Variants in ATP8A1 observed in about 807,000 individuals in gnomAD.
ATP8A1 encodes phospholipid-transporting ATPase IA.
In ATP8A1, 90 loss-of-function variants were observed where a neutral mutation model predicts 177.7. The ratio of observed to expected loss-of-function variants is 0.51; its 90% CI spans 0.43 to 0.60. ATP8A1 has a LOEUF of 0.60. Among genes scored for constraint, ATP8A1 ranks in the 20% least tolerant of loss-of-function variants. ATP8A1 has a pLI of 0.00. For synonymous variants in ATP8A1, 493 were observed against 485.9 expected (o/e 1.01, Z -0.19); for missense variants, 1,072 against 1,392.8 (o/e 0.77, Z 3.67).
At chr4:42,651,232 C>T (rs552988792) in intron 1 of ATP8A1, among the ~76,000 whole-genome samples, 26 of 152,240 alleles carry the variant, frequency 1.7e-4, no homozygotes, top group Non-Finnish European at 3.4e-4. Flanking sequence ...AGTCTCGGTA[C>T]GTCTTCATCA....
At chr4:42,484,216 A>C (rs958875771) in intron 25 of ATP8A1, among the ~76,000 whole-genome samples, 1 of 152,244 alleles carries the variant, frequency 6.6e-6, no homozygotes, top group African/African-American at 2.4e-5. Flanking sequence ...CCAAAGTAAA[A>C]ATGAGTCAAA....
intron 35 of ATP8A1, 130 bp downstream of exon 35, chr4:42,422,677 C>A: frequency 1.4e-6 from 1 of 696,950 alleles, no homozygotes; most frequent in Non-Finnish European, 2.4e-6. Context: ...ATGTCTCTGA[C>A]TCCCAAACCT....
At chr4:42,549,576 C>T (rs534338333) in intron 18 of ATP8A1, among the ~76,000 whole-genome samples, 1 of 152,060 alleles carries the variant, frequency 6.6e-6, no homozygotes, top group South Asian at 2.1e-4. Flanking sequence ...ATCAAAGGAG[C>T]TCAGGAGTTC....
chr4:42,433,354 C>A (rs1476916563), intron 33 of ATP8A1, among the ~76,000 whole-genome samples: 1 of 152,206 alleles, frequency 6.6e-6, no homozygotes, highest in Non-Finnish European at 1.5e-5. Context: ...TGTGGGACTA[C>A]TCCATGACAA....
chr4:42,423,941 A>C (rs556993592), intron 33 of ATP8A1, among the ~76,000 whole-genome samples: 182 of 152,326 alleles, frequency 1.2e-3, no homozygotes, highest in African/African-American at 4.2e-3. Context: ...ATAAATCATA[A>C]TTAGAAACTA....
chr4:42,478,494 A>T (rs1721312338), intron 25 of ATP8A1, among the ~76,000 whole-genome samples: 1 of 152,208 alleles, frequency 6.6e-6, no homozygotes, highest in African/African-American at 2.4e-5. Context: ...ATGGGAACAT[A>T]TGAAACACTT....
In ATP8A1 at chr4:42,511,744, T is replaced by C. The variant is rs139118737; in HGVS notation, c.1948-4590A>G. ...TTATGATTTTTCCCCAATACATGTATATTTTGCTAAATAATGGAACCTCAA... is the reference window on the plus strand; with the variant it reads ...TTATGATTTTTCCCCAATACATGTACATTTTGCTAAATAATGGAACCTCAA... On this transcript the variant is annotated intron_variant, in intron 22 of 36. Transcript: ENST00000381668. Among the ~76,000 whole-genome samples the C allele has an allele frequency of 1.1e-4, 16 of 152,328 alleles. No individual in the cohort carries two copies. In the East Asian group the frequency reaches 1.5e-3, roughly 15 times the overall value.
intron 35 of ATP8A1, 48 bp downstream of exon 35, chr4:42,422,759 T>C (rs765598947): frequency 6.8e-6 from 10 of 1,463,642 alleles, no homozygotes; most frequent in Non-Finnish European, 9.5e-6. Flanking sequence ...TAGTACAAGA[T>C]AAATTTAAAG....
rs1409472129 is a variant in ATP8A1 at position 42,483,392 on chromosome 4, A to AT, written c.2324+2103_2324+2104insA. On this transcript the variant is annotated intron_variant, in intron 25 of 36. Coordinates refer to ENST00000381668, the MANE Select transcript of ATP8A1 (RefSeq NM_006095.2). ...TGTGACTTAAGAAAAAAAAAAAAAA[A>AT]ACCTTAAAACTGGAAATAAAACTCA... 4.0e-5 allele frequency among the ~76,000 whole-genome samples: 6 copies of AT among 151,834 alleles called. No homozygotes were observed. The South Asian group carries it at 1.3e-3, about 32-fold the overall frequency.
intron 20 of ATP8A1, among the ~76,000 whole-genome samples, chr4:42,537,583 T>C (rs1229958578): frequency 1.3e-5 from 2 of 152,114 alleles, no homozygotes; most frequent in Non-Finnish European, 2.9e-5. Flanking sequence ...GGATACAAAA[T>C]TAATGCACAC....
At position 42,579,920 on chromosome 4, in the gene ATP8A1, A is replaced by C. The variant is rs755143367; in HGVS notation, c.893T>G (p.Ile298Ser). ...SNVERITNVQ[I>S]LILFCILIAM... ...AATTAAGATACAAAATAAAATCAAA[A>C]TTTGTACATTTGTAATCCGTTCCAC... Residue 298 changes from isoleucine to serine, a missense_variant, in exon 11 of 37, where the codon ATT (isoleucine) becomes AGT (serine). Ile to Ser is a moderately radical substitution (Grantham distance 142, BLOSUM62 -2). Transcript: ENST00000381668. The C allele has an allele frequency of 1.9e-6, 3 of 1,612,864 alleles. No individual in the cohort carries two copies. In the South Asian group the frequency reaches 3.3e-5, roughly 18 times the overall value.
intron 4 of ATP8A1, among the ~76,000 whole-genome samples, chr4:42,618,793 A>G (rs73237916): frequency 0.23 from 34,378 of 152,134 alleles, 4,351 homozygotes; most frequent in Non-Finnish European, 0.29. Flanking sequence ...AAAATGTACT[A>G]AATTCATTTT....
At chr4:42,419,798 T>G (rs2153166921) in intron 35 of ATP8A1, among the ~76,000 whole-genome samples, 1 of 152,186 alleles carries the variant, frequency 6.6e-6, no homozygotes, top group Admixed American at 6.5e-5. Context: ...GGTCAGGAGT[T>G]CGAGACCAGT....
intron 33 of ATP8A1, among the ~76,000 whole-genome samples, chr4:42,441,698 C>T (rs540982437): frequency 3.0e-4 from 46 of 152,256 alleles, no homozygotes; most frequent in Admixed American, 1.2e-3. Context: ...CACCAAAATG[C>T]TTTGGGAGCA....
chr4:42,502,463 G>A (rs1393360892), intron 24 of ATP8A1, among the ~76,000 whole-genome samples: 2 of 152,160 alleles, frequency 1.3e-5, no homozygotes, highest in Non-Finnish European at 2.9e-5. Context: ...GGAGAAAGAT[G>A]ATGGCAAGAA....
intron 16 of ATP8A1, among the ~76,000 whole-genome samples, chr4:42,555,073 C>T (rs1314019192): frequency 6.6e-6 from 1 of 150,524 alleles, no homozygotes; most frequent in Admixed American, 6.6e-5. Context: ...TAATAAACTC[C>T]CCTTTGTGTG....
At chr4:42,644,370 G>A (rs992139787) in intron 1 of ATP8A1, among the ~76,000 whole-genome samples, 4 of 152,156 alleles carry the variant, frequency 2.6e-5, no homozygotes, top group East Asian at 1.9e-4. Context: ...CTTACTGAAC[G>A]TTAAACGAAG....
At chr4:42,582,096 T>C (rs1733147446) in intron 9 of ATP8A1, among the ~76,000 whole-genome samples, 1 of 152,138 alleles carries the variant, frequency 6.6e-6, no homozygotes, top group South Asian at 2.1e-4. Context: ...CATGAAGGGA[T>C]TAATGCCCTT....
chr4:42,513,822 G>C (rs1725249976), intron 22 of ATP8A1, among the ~76,000 whole-genome samples: 1 of 152,200 alleles, frequency 6.6e-6, no homozygotes, highest in Non-Finnish European at 1.5e-5. Context: ...TATGGGGCTG[G>C]ATTAGGACAA....
Sources: gnomAD v4.1 joint callset for allele counts (sites outside exome capture counted in the v4.1 genomes callset) on GRCh38, gnomAD v4.1.1 for gene constraint, MANE v1.5 for transcripts, NCBI Gene and HGNC (gene_info 2026-07-23, HGNC 2026-07-21) for gene names.